AGTPBP1: variants seen among roughly 807,000 people sequenced by gnomAD.
The protein encoded by AGTPBP1 is ATP/GTP binding carboxypeptidase 1, also known as cytosolic carboxypeptidase 1.
In AGTPBP1, 70 loss-of-function variants were observed where a neutral mutation model predicts 143.9. The ratio of observed to expected loss-of-function variants is 0.49; its 90% CI spans 0.40 to 0.59. AGTPBP1 has a LOEUF of 0.59. Among genes scored for constraint, AGTPBP1 ranks in the 20% least tolerant of loss-of-function variants. The pLI, the probability that AGTPBP1 is intolerant of heterozygous loss-of-function variation, is 0.00. For synonymous variants in AGTPBP1, 463 were observed against 500.2 expected, an observed-to-expected ratio of 0.93 and a Z score of 0.99; for missense variants, 1,229 against 1,464.5, an observed-to-expected ratio of 0.84 and a Z score of 2.62.
chr9:85,739,503 G>A (rs540885947), intron 1 of AGTPBP1, among the ~76,000 whole-genome samples: 160 of 152,216 alleles, frequency 1.1e-3, no homozygotes, highest in Non-Finnish European at 1.7e-3. Flanking sequence ...GAGGTCAGGA[G>A]TTCAAGACGA....
At chr9:85,605,868 C>T (rs993227646) in intron 17 of AGTPBP1, among the ~76,000 whole-genome samples, 7 of 151,822 alleles carry the variant, frequency 4.6e-5, no homozygotes, top group African/African-American at 1.7e-4. Flanking sequence ...ATCTGCAAGC[C>T]TCACAGTAAT....
At chr9:85,755,771 T>G in the AGTPBP1 span, among the ~76,000 whole-genome samples, 3 of 152,176 alleles carry the variant, frequency 2.0e-5, no homozygotes, top group East Asian at 1.9e-4. Flanking sequence ...CAGAGTAAAA[T>G]ACTCCAGCAT....
intron 25 of AGTPBP1, among the ~76,000 whole-genome samples, chr9:85,558,238 G>A (rs1364912713): frequency 2.6e-5 from 4 of 152,146 alleles, no homozygotes; most frequent in Non-Finnish European, 4.4e-5. Context: ...GACACATGAA[G>A]GTCACATATT....
intron 25 of AGTPBP1, among the ~76,000 whole-genome samples, chr9:85,564,824 T>A (rs894940437): frequency 1.1e-4 from 16 of 152,246 alleles, no homozygotes; most frequent in African/African-American, 3.6e-4. Context: ...AGATGAGTCT[T>A]TGGACTTTAA....
Position 85,619,048 on chromosome 9 carries a change from C to T in AGTPBP1, c.2270G>A (p.Arg757Gln), listed in dbSNP as rs372812635. 3.7e-6 allele frequency: 6 copies of T among 1,613,768 alleles called. No homozygotes were observed. The highest frequency in any genetic ancestry group is 5.1e-6 in the Non-Finnish European group (6 of 1,179,842). ...QWFYFEVSGM[R>Q]PGVAYRFNII... Reference sequence around the variant, plus strand: ...GTTAAACCTGTAAGCAACACCTGGTCGCATTCCACTGACTTCAAAGTAAAA... The same window carrying T: ...GTTAAACCTGTAAGCAACACCTGGTTGCATTCCACTGACTTCAAAGTAAAA... The change falls in exon 17 of 26, where the codon CGA becomes CAA. Residue 757 changes from arginine to glutamine, a missense_variant. Physicochemically the swap from Arg to Gln is conservative, Grantham distance 43 (BLOSUM62 1). This residue lies in a region of AGTPBP1 where 486 missense variants were observed against 652.3 expected (regional missense o/e 0.75). Transcript: ENST00000357081.
chr9:85,559,435 TAA>T (rs1250141946), intron 25 of AGTPBP1, among the ~76,000 whole-genome samples: 28 of 132,314 alleles, frequency 2.1e-4, no homozygotes, highest in African/African-American at 3.9e-4. Flanking sequence ...AAGATGACAG[TAA>T]AAAAAAAAAA....
intron 17 of AGTPBP1, among the ~76,000 whole-genome samples, chr9:85,607,682 G>C (rs988960609): frequency 3.9e-5 from 6 of 152,102 alleles, no homozygotes; most frequent in Admixed American, 1.3e-4. Flanking sequence ...AAGTTTTATT[G>C]AGAACATGGT....
upstream of AGTPBP1, chr9:85,742,121 T>G (rs62570656): frequency 0.022 from 17,158 of 766,392 alleles, 205 homozygotes; most frequent in Middle Eastern, 0.043. Context: ...CCGTGCGCGC[T>G]GCGCCCCGCC....
chr9:85,750,371 T>G, the AGTPBP1 span, among the ~76,000 whole-genome samples: 109 of 152,304 alleles, frequency 7.2e-4, no homozygotes, highest in African/African-American at 2.5e-3. Flanking sequence ...CACTTATAAC[T>G]CAGATGGGTG....
the AGTPBP1 span, among the ~76,000 whole-genome samples, chr9:85,752,675 C>T: frequency 6.6e-6 from 1 of 152,182 alleles, no homozygotes; most frequent in African/African-American, 2.4e-5. Flanking sequence ...GAAATAATCA[C>T]TGTGTACCTC....
intron 8 of AGTPBP1, among the ~76,000 whole-genome samples, chr9:85,668,987 G>T (rs890620025): frequency 2.3e-5 from 2 of 86,038 alleles, no homozygotes; most frequent in African/African-American, 4.5e-5. Context: ...GTGTGTGTGT[G>T]TGTGTGTGTG....
the AGTPBP1 span, among the ~76,000 whole-genome samples, chr9:85,779,224 GATATAGATATAGATATAGATATCT>G: frequency 2.1e-5 from 2 of 93,510 alleles, no homozygotes; most frequent in African/African-American, 7.2e-5. Context: ...TATAGATATA[GATATAGATATAGATATAGATATCT>G]ATATAAATAT....
the AGTPBP1 span, chr9:85,753,493 C>T: frequency 2.5e-6 from 4 of 1,573,318 alleles, no homozygotes; most frequent in Non-Finnish European, 3.5e-6. Flanking sequence ...TAAACTCACA[C>T]CTGTAATCCT....
chr9:85,677,291 AC>A (rs1224590364), intron 6 of AGTPBP1, 144 bp downstream of exon 6: 2 of 698,506 alleles, frequency 2.9e-6, no homozygotes, highest in Non-Finnish European at 4.5e-6. Flanking sequence ...TATCATGTGT[AC>A]CCCCATAAAC....
intron 17 of AGTPBP1, among the ~76,000 whole-genome samples, chr9:85,611,017 A>C (rs898238548): frequency 2.6e-5 from 4 of 152,184 alleles, no homozygotes; most frequent in African/African-American, 9.7e-5. Flanking sequence ...CATGGAAATA[A>C]GAAGAAAACT....
At chr9:85,737,252 A>G (rs1222135085) in intron 1 of AGTPBP1, among the ~76,000 whole-genome samples, 1 of 152,194 alleles carries the variant, frequency 6.6e-6, no homozygotes, top group Non-Finnish European at 1.5e-5. Flanking sequence ...CTGAATTACA[A>G]TAGTTGATGG....
At chr9:85,694,374 C>A (rs1182922541) in intron 2 of AGTPBP1, among the ~76,000 whole-genome samples, 1 of 152,086 alleles carries the variant, frequency 6.6e-6, no homozygotes, top group Admixed American at 6.5e-5. Flanking sequence ...CCAGCTGTTT[C>A]TCTGATATTC....
At chr9:85,699,666 C>T (rs1836520904) in intron 2 of AGTPBP1, among the ~76,000 whole-genome samples, 1 of 150,864 alleles carries the variant, frequency 6.6e-6, no homozygotes, top group African/African-American at 2.4e-5. Context: ...GGTAGTAAAA[C>T]AATTTCAAAC....
At chr9:85,651,139 C>G (rs1833139478) in intron 11 of AGTPBP1, among the ~76,000 whole-genome samples, 1 of 152,062 alleles carries the variant, frequency 6.6e-6, no homozygotes, top group South Asian at 2.1e-4. Context: ...TCTGCTTGTC[C>G]TTGCTTAGCC....
Sources: gnomAD v4.1 joint callset for allele counts (sites outside exome capture counted in the v4.1 genomes callset) on GRCh38, gnomAD v4.1.1 for gene constraint, gnomAD v4.1.1 regional missense constraint, MANE v1.5 for transcripts, NCBI Gene and HGNC (gene_info 2026-07-23, HGNC 2026-07-21) for gene names.